ASXL2: variants seen among roughly 807,000 people sequenced by gnomAD.
ASXL2 encodes putative Polycomb group protein ASXL2.
ASXL2 carries 23 observed loss-of-function variants against 122.0 expected under a neutral mutation model. The ratio of observed to expected loss-of-function variants is 0.19; its 90% CI spans 0.14 to 0.27. The LOEUF (loss-of-function observed/expected upper bound fraction) is 0.27, where lower values mean the gene tolerates loss of function less well. Ranked by LOEUF, ASXL2 falls within the 10% of genes least tolerant of loss-of-function variation. ASXL2 has a pLI of 1.00. For missense variants in ASXL2, 1,518 were observed against 1,713.8 expected (o/e 0.89, Z 2.02); for synonymous variants, 650 against 637.0 (o/e 1.02, Z -0.31).
intron 5 of ASXL2, among the ~76,000 whole-genome samples, chr2:25,782,991 T>C (rs1441956710): frequency 6.6e-6 from 1 of 152,032 alleles, no homozygotes; most frequent in Non-Finnish European, 1.5e-5. Flanking sequence ...TAGCCGGGCA[T>C]GGTGGTGCAC....
chr2:25,810,673 C>G (rs1369669075), intron 3 of ASXL2: 2 of 732,436 alleles, frequency 2.7e-6, no homozygotes, highest in Admixed American at 3.6e-5. Flanking sequence ...CACCCAGCTA[C>G]TGCTCACACT....
chr2:25,775,247 C>A (rs373051667), intron 5 of ASXL2, among the ~76,000 whole-genome samples: 299 of 152,272 alleles, frequency 2.0e-3, no homozygotes, highest in African/African-American at 6.9e-3. Flanking sequence ...CCTGCCTCAG[C>A]CTCCTGAGTA....
Position 25,794,072 on chromosome 2 carries a change from C to G in ASXL2, c.403+5313G>C, listed in dbSNP as rs74840599. The stretch of plus-strand genomic sequence containing the variant: ...CTTTTAAAAGGAGACATAATCATAC[C>G]CATTCAGTAACTTAACACACATGTA... On this transcript the variant is annotated intron_variant, in intron 5 of 12. Transcript: ENST00000435504. 1.1e-3 allele frequency among the ~76,000 whole-genome samples: 166 copies of G among 152,146 alleles called. 5 individuals carry two copies. The East Asian group carries it at 0.032, about 29-fold the overall frequency.
At chr2:25,855,447 T>C (rs1284678231) in intron 1 of ASXL2, among the ~76,000 whole-genome samples, 3 of 152,114 alleles carry the variant, frequency 2.0e-5, no homozygotes, top group Non-Finnish European at 4.4e-5. Context: ...GGCGGGCAGA[T>C]TCCCTGAGGT....
chr2:25,872,078 T>C (rs1401404762), intron 1 of ASXL2, among the ~76,000 whole-genome samples: 1 of 152,006 alleles, frequency 6.6e-6, no homozygotes, highest in African/African-American at 2.4e-5. Flanking sequence ...CAGAGGAAAA[T>C]TCACAAGCCC....
chr2:25,803,984 G>T (rs989248246), intron 4 of ASXL2, among the ~76,000 whole-genome samples: 4 of 151,468 alleles, frequency 2.6e-5, no homozygotes, highest in South Asian at 2.1e-4. Context: ...AAACACTTTG[G>T]TTTTTTTTTC....
chr2:25,759,657 G>A lies in ASXL2; in HGVS notation c.776-12C>T. Reference sequence around the variant, plus strand: ...TCTTTTCATTTGTCCTACAAAAACAGAGAAGAATCGTTTGGGCCTCCCTCA... The same window carrying A: ...TCTTTTCATTTGTCCTACAAAAACAAAGAAGAATCGTTTGGGCCTCCCTCA... On this transcript the variant is annotated splice_polypyrimidine_tract_variant and intron_variant, in intron 8 of 12. Coordinates refer to ENST00000435504, the MANE Select transcript of ASXL2 (RefSeq NM_018263.6). The A allele has an allele frequency of 6.2e-7, 1 of 1,602,046 alleles. No individual in the cohort carries two copies. The highest frequency in any genetic ancestry group is 8.5e-7 in the Non-Finnish European group (1 of 1,171,020).
At chr2:25,761,821 G>GAACA (rs2088253136) in intron 8 of ASXL2, among the ~76,000 whole-genome samples, 1 of 151,822 alleles carries the variant, frequency 6.6e-6, no homozygotes, top group South Asian at 2.1e-4. Flanking sequence ...CTTCAAAAAT[G>GAACA]AACAGGAAAG....
intron 1 of ASXL2, chr2:25,856,341 G>T: frequency 2.1e-6 from 1 of 472,128 alleles, no homozygotes. Flanking sequence ...ACAGGCATGA[G>T]CCACTGCTCA....
In ASXL2 at chr2:25,735,758, A is replaced by G. The variant is rs1007527461; in HGVS notation, c.*6271T>C. ...GAGATTTCTTGAAATTTCTATAGAC[A>G]ACTTTAGCTATTCCAACAATAGTTC... On this transcript the variant is annotated 3_prime_UTR_variant, in exon 13 of 13. Coordinates refer to ENST00000435504, the MANE Select transcript of ASXL2 (RefSeq NM_018263.6). 2.0e-5 allele frequency: 3 copies of G among 152,238 alleles called. No homozygotes were observed. Among genetic ancestry groups the G allele is most frequent in the African/African-American group, 7.2e-5 (3 of 41,468 alleles). 9.4% of individuals were successfully genotyped at this position (152,238 alleles called of 1,614,324 possible). A position where few individuals can be genotyped will look rare whatever the true frequency, so the allele number is the denominator to read the frequency against.
At chr2:25,850,933 G>GTT (rs1480079203) in intron 1 of ASXL2, among the ~76,000 whole-genome samples, 1 of 152,212 alleles carries the variant, frequency 6.6e-6, no homozygotes, top group Non-Finnish European at 1.5e-5. Context: ...GAGGTCAGGA[G>GTT]TTTGAGACCA....
intron 2 of ASXL2, among the ~76,000 whole-genome samples, chr2:25,842,884 C>T (rs1261993820): frequency 1.3e-5 from 2 of 151,232 alleles, no homozygotes; most frequent in African/African-American, 4.9e-5. Context: ...TGCACTGGTG[C>T]AATCTCAGCT....
At chr2:25,756,283 C>CA (rs2088131819) in intron 9 of ASXL2, among the ~76,000 whole-genome samples, 169 bp from the exon 10 acceptor site, 1 of 151,612 alleles carries the variant, frequency 6.6e-6, no homozygotes, top group Non-Finnish European at 1.5e-5. Context: ...TGTAATATCA[C>CA]TTTGTTCTAA....
At chr2:25,795,678 A>G (rs554449556) in intron 5 of ASXL2, among the ~76,000 whole-genome samples, 3 of 152,188 alleles carry the variant, frequency 2.0e-5, no homozygotes, top group Non-Finnish European at 4.4e-5. Context: ...TGCTTCCCTT[A>G]CTTGATGACC....
At chr2:25,852,122 T>C (rs932707952) in intron 1 of ASXL2, among the ~76,000 whole-genome samples, 5 of 152,196 alleles carry the variant, frequency 3.3e-5, no homozygotes, top group African/African-American at 1.2e-4. Flanking sequence ...GCAGTGTTTA[T>C]CAAACAAACC....
Position 25,866,006 on chromosome 2 carries a change from G to C in ASXL2, c.57+12160C>G, listed in dbSNP as rs4258760. 3.2e-3 allele frequency among the ~76,000 whole-genome samples: 494 copies of C among 152,024 alleles called. 4 individuals carry two copies. Among genetic ancestry groups the C allele is most frequent in the African/African-American group, 0.011 (462 of 41,468 alleles). ...TGATGACAGCTGTGACCTTTACTTG[G>C]TACAAACGCATCATTTCCCTATTGT... On this transcript the variant is annotated intron_variant, in intron 1 of 12. Transcript: ENST00000435504.
At chr2:25,858,418 CAAAAAA>C (rs761240837) in intron 1 of ASXL2, among the ~76,000 whole-genome samples, 3 of 136,434 alleles carry the variant, frequency 2.2e-5, no homozygotes, top group Non-Finnish European at 4.8e-5. Context: ...GTCTACATTC[CAAAAAA>C]AAAAAAAAAT....
chr2:25,801,413 C>A (rs1312527670), intron 4 of ASXL2, among the ~76,000 whole-genome samples: 1 of 152,154 alleles, frequency 6.6e-6, no homozygotes, highest in Non-Finnish European at 1.5e-5. Flanking sequence ...AAACTCTGAT[C>A]TAGTTAAGTT....
chr2:25,856,963 G>A (rs2149198345), intron 1 of ASXL2: 2 of 453,790 alleles, frequency 4.4e-6, no homozygotes, highest in Middle Eastern at 6.7e-4. Flanking sequence ...TAGGCTACAA[G>A]TTCTAGAATA....
Sources: allele counts gnomAD v4.1 joint callset (sites outside exome capture counted in the v4.1 genomes callset), GRCh38; gene constraint gnomAD v4.1.1; transcripts MANE v1.5; gene names NCBI Gene and HGNC (gene_info 2026-07-23, HGNC 2026-07-21).